The following FAM90A26 variants were observed in gnomAD, a reference collection of about 807,000 sequenced individuals.
FAM90A26 encodes protein FAM90A26.
chr4:9,172,508 G>C lies in FAM90A26; in HGVS notation c.-57+339G>C, dbSNP rs560225519. 4.5e-3 allele frequency among the ~76,000 whole-genome samples: 184 copies of C among 41,114 alleles called. 14 individuals are homozygous for C. The highest frequency in any genetic ancestry group is 0.014 in the African/African-American group (177 of 12,542). The allele number at this position is 41,114 out of a possible 152,430, so 27.0% of individuals were successfully genotyped here. ...GTTCACCGTTTGTTTAGATGAATTCGTGTGGCATGTGTAAAATACCAGAAA... is the reference window on the plus strand; with the variant it reads ...GTTCACCGTTTGTTTAGATGAATTCCTGTGGCATGTGTAAAATACCAGAAA... On this transcript the variant is annotated intron_variant, in intron 3 of 6. Coordinates refer to ENST00000512047, the Ensembl canonical transcript of FAM90A26.
Position 9,176,286 on chromosome 4 carries a change from G to A in FAM90A26, c.*119G>A, listed in dbSNP as rs1450315142. The A allele has an allele frequency of 1.0e-4, 11 of 107,588 alleles. 5 individuals are homozygous for A. Among genetic ancestry groups the A allele is most frequent in the Non-Finnish European group, 1.9e-4 (11 of 59,042 alleles). 6.7% of individuals were successfully genotyped at this position (107,588 alleles called of 1,614,324 possible). A position where few individuals can be genotyped will look rare whatever the true frequency, so the allele number is the denominator to read the frequency against. On this transcript the variant is annotated 3_prime_UTR_variant, in exon 7 of 7. Transcript: ENST00000512047. ...GCGGTGACTCCGAAGCTCCCCGGCT[G>A]TGGCGCTTCTGTGGATGTGGGAGCC...
Position 9,171,753 on chromosome 4 carries a change from A to G in FAM90A26, c.-214+15A>G, listed in dbSNP as rs185171103. The G allele has an allele frequency of 0.013, 316 of 23,800 alleles. 153 individuals are homozygous for G. The highest frequency in any genetic ancestry group is 0.081 in the African/African-American group (304 of 3,756). The allele number at this position is 23,800 out of a possible 1,614,324, so 1.5% of individuals were successfully genotyped here. On this transcript the variant is annotated intron_variant, in intron 2 of 6. Transcript: ENST00000512047. Reference sequence around the variant, plus strand: ...CCAATTAAAAGGTGTCTATTTTACCACATTTTTTAAAACAAAACACAAAAA... The same window carrying G: ...CCAATTAAAAGGTGTCTATTTTACCGCATTTTTTAAAACAAAACACAAAAA...
In FAM90A26 at chr4:9,175,786, C is replaced by A. The variant is rs1348725990; in HGVS notation, c.1014C>A (p.Thr338=). The A allele has an allele frequency of 1.0e-5, 2 of 194,198 alleles. 1 individual carries two copies. Among genetic ancestry groups the A allele is most frequent in the Non-Finnish European group, 1.6e-5 (2 of 121,822 alleles). 12.0% of individuals were successfully genotyped at this position (194,198 alleles called of 1,614,324 possible). The stretch of plus-strand genomic sequence containing the variant: ...ATCTCCAACCTCCGCCGGCAACAAC[C>A]GAACTTGGACCAAGTACGTCGCCCC... The change falls in exon 7 of 7, where the codon ACC becomes ACA. Residue 338 remains threonine (T), a synonymous_variant. Transcript: ENST00000512047.
At position 9,173,011 on chromosome 4, in the gene FAM90A26, G is replaced by A; in HGVS notation, c.-56-106G>A. Reference sequence around the variant, plus strand: ...ACAGATTTGACCGACTGGTGGTGAGGTCTCCTCATGACCACACCGGCAAGG... The same window carrying A: ...ACAGATTTGACCGACTGGTGGTGAGATCTCCTCATGACCACACCGGCAAGG... On this transcript the variant is annotated intron_variant, in intron 3 of 6. Transcript: ENST00000512047. 2.1e-5 allele frequency: 2 copies of A among 96,226 alleles called. 1 individual carries two copies. The allele number at this position is 96,226 out of a possible 1,614,324, so 6.0% of individuals were successfully genotyped here.
Position 9,170,946 on chromosome 4 carries a change from G to A in FAM90A26, c.-421+424G>A, listed in dbSNP as rs1307844365. On this transcript the variant is annotated intron_variant, in intron 1 of 6. Transcript: ENST00000512047. ...TATCTATAATTTCAGCATATTGGGA[G>A]GCCAAGGAGAGTGGATCACCTGAGG... Among the ~76,000 whole-genome samples, 3 of 23,116 alleles carry A rather than the reference G, an allele frequency of 1.3e-4. 1 individual carries two copies. Among genetic ancestry groups the A allele is most frequent in the Admixed American group, 1.0e-3 (3 of 2,952 alleles). 15.2% of individuals were successfully genotyped at this position (23,116 alleles called of 152,430 possible).
In FAM90A26 at chr4:9,175,468, C is replaced by T. The variant is rs754451430; in HGVS notation, c.696C>T (p.Ser232=). 30 of 285,498 alleles carry T rather than the reference C, an allele frequency of 1.1e-4. 14 individuals are homozygous for T. 17.7% of individuals were successfully genotyped at this position (285,498 alleles called of 1,614,324 possible). Residue 232 remains serine (S), a synonymous_variant, in exon 7 of 7, where the codon AGC becomes AGT. Coordinates refer to ENST00000512047, the Ensembl canonical transcript of FAM90A26. ...TCGTGGTGAAGCCGACACACAGCAGCCCTGAGGGTGGCTGCCGAGAAGTTC... is the reference window on the plus strand; with the variant it reads ...TCGTGGTGAAGCCGACACACAGCAGTCCTGAGGGTGGCTGCCGAGAAGTTC...
In FAM90A26 at chr4:9,175,939, C is replaced by T. The variant is rs771309717; in HGVS notation, c.1167C>T (p.Ala389=). ...ACCCAGCGACCAGCCATGATGGGGC[C>T]CAGCCTCTCAGAGTGCTCTTCCGGA... Residue 389 remains alanine (A), a synonymous_variant, in exon 7 of 7, where the codon GCC becomes GCT. Coordinates refer to ENST00000512047, the Ensembl canonical transcript of FAM90A26. 111 of 254,024 alleles carry T rather than the reference C, an allele frequency of 4.4e-4. 32 individuals carry two copies. Among genetic ancestry groups the T allele is most frequent in the Non-Finnish European group, 5.5e-4 (97 of 175,654 alleles). The allele number at this position is 254,024 out of a possible 1,614,324, so 15.7% of individuals were successfully genotyped here. A position where few individuals can be genotyped will look rare whatever the true frequency, so the allele number is the denominator to read the frequency against.
In FAM90A26 at chr4:9,173,273, C is replaced by T. The variant is rs771254827; in HGVS notation, c.101C>T (p.Pro34Leu). The stretch of plus-strand genomic sequence containing the variant: ...GCCCCAGTTGGGCCAAGGGCTCCCC[C>T]GCCCGATGAAGAAGATCCCAGGGTA... The change falls in exon 4 of 7, where the codon CCG (proline) becomes CTG (leucine). Residue 34 changes from proline (P) to leucine (L), a missense_variant. Transcript: ENST00000512047. 8.3e-6 allele frequency: 2 copies of T among 239,730 alleles called. 1 individual carries two copies. The highest frequency in any genetic ancestry group is 9.2e-5 in the South Asian group (2 of 21,674). The allele number at this position is 239,730 out of a possible 1,614,324, so 14.9% of individuals were successfully genotyped here. A position where few individuals can be genotyped will look rare whatever the true frequency, so the allele number is the denominator to read the frequency against.
Position 9,173,103 on chromosome 4 carries a change from T to C in FAM90A26, c.-56-14T>C, listed in dbSNP as rs1346767090. The C allele has an allele frequency of 1.9e-5, 3 of 156,150 alleles. 1 individual carries two copies. The highest frequency in any genetic ancestry group is 3.3e-5 in the Non-Finnish European group (3 of 90,368). 9.7% of individuals were successfully genotyped at this position (156,150 alleles called of 1,614,324 possible). On this transcript the variant is annotated splice_polypyrimidine_tract_variant and intron_variant, in intron 3 of 6. Coordinates refer to ENST00000512047, the Ensembl canonical transcript of FAM90A26. ...GTGCTTAACCATCGACGTGTGTGTT[T>C]GTGTGTGTTTCAGGTGACCCAAAAA...
In FAM90A26 at chr4:9,176,284, C is replaced by T. The variant is rs866320757; in HGVS notation, c.*117C>T. On this transcript the variant is annotated 3_prime_UTR_variant, in exon 7 of 7. Coordinates refer to ENST00000512047, the Ensembl canonical transcript of FAM90A26. Reference sequence around the variant, plus strand: ...GTGCGGTGACTCCGAAGCTCCCCGGCTGTGGCGCTTCTGTGGATGTGGGAG... The same window carrying T: ...GTGCGGTGACTCCGAAGCTCCCCGGTTGTGGCGCTTCTGTGGATGTGGGAG... The T allele has an allele frequency of 1.9e-5, 2 of 107,902 alleles. 1 individual carries two copies. Among genetic ancestry groups the T allele is most frequent in the African/African-American group, 4.1e-4 (2 of 4,898 alleles). 6.7% of individuals were successfully genotyped at this position (107,902 alleles called of 1,614,324 possible). A position where few individuals can be genotyped will look rare whatever the true frequency, so the allele number is the denominator to read the frequency against.
intron 3 of FAM90A26, 100 bp from the exon 4 acceptor site, chr4:9,173,017 T>A: frequency 9.9e-6 from 1 of 100,860 alleles, no homozygotes; most frequent in South Asian, 7.0e-5. Flanking sequence ...TGAGGTCTCC[T>A]CATGACCACA....
At position 9,174,422 on chromosome 4, in the gene FAM90A26, C is replaced by T. The variant is rs183518604; in HGVS notation, c.324-26C>T. On this transcript the variant is annotated intron_variant, in intron 5 of 6. Coordinates refer to ENST00000512047, the Ensembl canonical transcript of FAM90A26. ...ATCTCCTGGGGAAAACCAGGGGCCA[C>T]GGCCTGACCTTTTTCTGTTCTGCAG... The T allele has an allele frequency of 6.0e-5, 9 of 149,210 alleles. 2 individuals are homozygous for T. Among genetic ancestry groups the T allele is most frequent in the Non-Finnish European group, 1.0e-4 (8 of 77,666 alleles). 9.2% of individuals were successfully genotyped at this position (149,210 alleles called of 1,614,324 possible). A position where few individuals can be genotyped will look rare whatever the true frequency, so the allele number is the denominator to read the frequency against.
exon 4 of FAM90A26, chr4:9,173,201 G>C (rs754066052): frequency 7.2e-6 from 2 of 277,676 alleles, no homozygotes; most frequent in East Asian, 2.2e-4. Context: ...CCCAAACCTG[G>C]GGCAAAGAGA....
rs1256497580 is a variant in FAM90A26 at position 9,172,719 on chromosome 4, G to T, written c.-56-398G>T. 2.5e-4 allele frequency among the ~76,000 whole-genome samples: 6 copies of T among 24,438 alleles called. 3 individuals are homozygous for T. The highest frequency in any genetic ancestry group is 1.5e-3 in the African/African-American group (6 of 3,958). The allele number at this position is 24,438 out of a possible 152,430, so 16.0% of individuals were successfully genotyped here. On this transcript the variant is annotated intron_variant, in intron 3 of 6. Transcript: ENST00000512047. ...CATCCCTTATCCCATATTTCAAACAGACCTGCCAAAGGGTGACACACGCCA... is the reference window on the plus strand; with the variant it reads ...CATCCCTTATCCCATATTTCAAACATACCTGCCAAAGGGTGACACACGCCA...
chr4:9,172,478 C>T (rs1713453386), intron 3 of FAM90A26, among the ~76,000 whole-genome samples: 1 of 44,180 alleles, frequency 2.3e-5, no homozygotes, highest in Non-Finnish European at 5.3e-5. Flanking sequence ...TACGATATGG[C>T]ACTTGTTCAC....
rs570748154 is a variant in FAM90A26 at position 9,176,635 on chromosome 4, G to A, written c.*468G>A. The A allele has an allele frequency of 4.1e-4, 11 of 26,806 alleles. 5 individuals carry two copies. Among genetic ancestry groups the A allele is most frequent in the African/African-American group, 2.4e-3 (9 of 3,794 alleles). 1.7% of individuals were successfully genotyped at this position (26,806 alleles called of 1,614,324 possible). On this transcript the variant is annotated 3_prime_UTR_variant, in exon 7 of 7. Coordinates refer to ENST00000512047, the Ensembl canonical transcript of FAM90A26. ...AGCGTGCTGTGCAAAGCGCTCTCGG[G>A]GTCTTTCCTCAGCCTCGAAAACTGG...
rs2108792803 is a variant in FAM90A26 at position 9,171,952 on chromosome 4, ATTAAG to A, written c.-213-54_-213-50del. The A allele has an allele frequency of 7.6e-5, 2 of 26,476 alleles. 1 individual carries two copies. Among genetic ancestry groups the A allele is most frequent in the Non-Finnish European group, 1.5e-4 (2 of 13,044 alleles). 1.6% of individuals were successfully genotyped at this position (26,476 alleles called of 1,614,324 possible). On this transcript the variant is annotated intron_variant, in intron 2 of 6. Transcript: ENST00000512047. ...AGACCTTTCCAGGTCATGTAATTGG[ATTAAG>A]TTAAGTGTAATTAACGTACATGTAA...
At chr4:9,175,209 C>G in exon 7 of FAM90A26, 1 of 263,620 alleles carries the variant, frequency 3.8e-6, no homozygotes, top group Non-Finnish European at 5.3e-6. Flanking sequence ...TTTCAGGTTG[C>G]AAGCGGGCCA....
In FAM90A26 at chr4:9,174,957, C is replaced by A. The variant is rs190337448; in HGVS notation, c.433-248C>A. On this transcript the variant is annotated intron_variant, in intron 6 of 6. Coordinates refer to ENST00000512047, the Ensembl canonical transcript of FAM90A26. ...CACTTCATGGAAGGCTGAGTGAAGG[C>A]GCTTTGATCCAGTTAATGCCCAAGA... is the stretch of plus-strand genomic sequence containing the variant. 9.5e-3 allele frequency among the ~76,000 whole-genome samples: 225 copies of A among 23,750 alleles called. 47 individuals carry two copies. In the East Asian group the frequency reaches 0.12, roughly 13 times the overall value. The allele number at this position is 23,750 out of a possible 152,430, so 15.6% of individuals were successfully genotyped here. A position where few individuals can be genotyped will look rare whatever the true frequency, so the allele number is the denominator to read the frequency against.
Sources: gnomAD v4.1 joint callset for allele counts (sites outside exome capture counted in the v4.1 genomes callset) on GRCh38, gnomAD v4.1.1 for gene constraint, MANE v1.5 for transcripts, NCBI Gene and HGNC (gene_info 2026-07-23, HGNC 2026-07-21) for gene names.